Variants in PCDHGA5 observed in about 807,000 individuals in gnomAD.
PCDHGA5 encodes the protein protocadherin gamma subfamily A, 5.
A neutral mutation model predicts 56.7 loss-of-function variants in PCDHGA5; 36 were observed. The ratio of observed to expected loss-of-function variants is 0.64; its 90% CI spans 0.49 to 0.84. PCDHGA5 has a LOEUF of 0.84. Among genes scored for constraint, PCDHGA5 ranks in the 40% least tolerant of loss-of-function variants. PCDHGA5 has a pLI of 0.00. For synonymous variants in PCDHGA5, 563 were observed against 520.2 expected (o/e 1.08, Z -1.12); for missense variants, 1,305 against 1,201.5 (o/e 1.09, Z -1.27).
Position 141,495,110 on chromosome 5 carries a change from T to C in PCDHGA5, c.2480+245T>C, listed in dbSNP as rs74534116. Among the ~76,000 whole-genome samples the C allele has an allele frequency of 3.9e-3, 595 of 152,212 alleles. 3 individuals carry two copies. The highest frequency in any genetic ancestry group is 0.013 in the African/African-American group (538 of 41,532). On this transcript the variant is annotated intron_variant, in intron 2 of 3. Coordinates refer to ENST00000518069, the MANE Select transcript of PCDHGA5 (RefSeq NM_018918.3). The stretch of plus-strand genomic sequence containing the variant: ...TTCCCTCCTCGCCACGACCGGCACC[T>C]TTTCCTATCCCCTGAGGGCACTGTG...
chr5:141,394,996 C>T (rs1331251272), intron 1 of PCDHGA5: 1 of 1,613,916 alleles, frequency 6.2e-7, no homozygotes, highest in African/African-American at 1.3e-5. Flanking sequence ...CTCCAGGATT[C>T]CGGTGGCAGA....
Position 141,489,767 on chromosome 5 carries a change from G to T in PCDHGA5, c.2422-5040G>T, listed in dbSNP as rs2099691977. On this transcript the variant is annotated intron_variant, in intron 1 of 3. Transcript: ENST00000518069. This position sits in a 1 kb window ranked among gnomAD's most constrained non-coding sequence, Gnocchi z 4.5. ...AGCTTTTACACTCTAAGCCCCAACA[G>T]CCACTTCTCTCTGAATGTGAAGACC... The T allele has an allele frequency of 6.2e-7, 1 of 1,614,028 alleles. No homozygotes were observed. Among genetic ancestry groups the T allele is most frequent in the African/African-American group, 1.3e-5 (1 of 74,938 alleles).
chr5:141,495,000 G>A lies in PCDHGA5; in HGVS notation c.2480+135G>A, dbSNP rs191756104. ...AGTTTGAGATCCCAGGGAGGTCTTG[G>A]TGTGCGGGGGGCTGGCACACAGACC... On this transcript the variant is annotated intron_variant, in intron 2 of 3. Transcript: ENST00000518069. 1.3e-4 allele frequency: 202 copies of A among 1,531,656 alleles called. 2 individuals carry two copies. The African/African-American group carries it at 2.4e-3, about 19-fold the overall frequency. The allele number at this position is 1,531,656 out of a possible 1,614,324, so 94.9% of individuals were successfully genotyped here. A position where few individuals can be genotyped will look rare whatever the true frequency, so the allele number is the denominator to read the frequency against.
intron 1 of PCDHGA5, chr5:141,394,906 C>T (rs2150590922): frequency 6.2e-7 from 1 of 1,613,754 alleles, no homozygotes; most frequent in Admixed American, 1.7e-5. Flanking sequence ...GTGGCAGTGG[C>T]TGCCATCTCC....
intron 1 of PCDHGA5, chr5:141,371,816 C>T: frequency 6.2e-7 from 1 of 1,613,888 alleles, no homozygotes; most frequent in Non-Finnish European, 8.5e-7. Context: ...TTGCGCATGT[C>T]AGAGCCTCGG....
intron 1 of PCDHGA5, among the ~76,000 whole-genome samples, chr5:141,406,576 A>T (rs909778588): frequency 8.5e-5 from 13 of 152,222 alleles, no homozygotes; most frequent in Non-Finnish European, 8.8e-5. Context: ...CTAGTAAACC[A>T]ATTTTTTCCC....
intron 1 of PCDHGA5, chr5:141,383,728 G>GGT (rs1554087976): frequency 1.9e-6 from 3 of 1,613,878 alleles, no homozygotes; most frequent in Non-Finnish European, 2.5e-6. Flanking sequence ...CAATGGGGAA[G>GGT]TGACATATTC....
At chr5:141,399,205 A>G (rs1344993471) in intron 1 of PCDHGA5, 1 of 1,613,982 alleles carries the variant, frequency 6.2e-7, no homozygotes, top group Admixed American at 1.7e-5. Flanking sequence ...GGTGCCTGGA[A>G]CACTAATTGC....
At chr5:141,428,616 G>A (rs2097151212) in intron 1 of PCDHGA5, 1 of 207,844 alleles carries the variant, frequency 4.8e-6, no homozygotes, top group Admixed American at 5.3e-5. Flanking sequence ...AGAATAACAA[G>A]ATAAGCTCTA....
At chr5:141,441,742 T>C in intron 1 of PCDHGA5, 1 of 367,312 alleles carries the variant, frequency 2.7e-6, no homozygotes, top group Non-Finnish European at 5.4e-6. Context: ...TAGCTCGCGC[T>C]CGGCGTCAAC....
At chr5:141,458,081 G>A (rs765008628) in intron 1 of PCDHGA5, among the ~76,000 whole-genome samples, 62 of 152,186 alleles carry the variant, frequency 4.1e-4, no homozygotes, top group East Asian at 1.9e-4. Flanking sequence ...CTATATTGCC[G>A]TAAGTTAAGA....
chr5:141,435,890 A>G (rs2097784923), intron 1 of PCDHGA5, among the ~76,000 whole-genome samples: 1 of 152,176 alleles, frequency 6.6e-6, no homozygotes, highest in Non-Finnish European at 1.5e-5. Context: ...AACCCCTTAG[A>G]GAATGAAAGA....
At chr5:141,427,249 G>A (rs1417336994) in intron 1 of PCDHGA5, 1 of 456,742 alleles carries the variant, frequency 2.2e-6, no homozygotes, top group African/African-American at 2.0e-5. Context: ...GCTAAGGATG[G>A]TGGAGGCATG....
chr5:141,404,764 C>A lies in PCDHGA5; in HGVS notation c.2421+38013C>A, dbSNP rs371618979. 152 of 1,613,920 alleles carry A rather than the reference C, an allele frequency of 9.4e-5. 1 individual carries two copies. In the African/African-American group the frequency reaches 1.6e-3, roughly 17 times the overall value. ...GAGACTCAGGCCAGAATGCTTGGCT[C>A]TCCTACCGCCTATTCAAGGCCAGTG... On this transcript the variant is annotated intron_variant, in intron 1 of 3. Coordinates refer to ENST00000518069, the MANE Select transcript of PCDHGA5 (RefSeq NM_018918.3).
intron 1 of PCDHGA5, chr5:141,371,563 TC>T: frequency 6.2e-7 from 1 of 1,613,806 alleles, no homozygotes; most frequent in Non-Finnish European, 8.5e-7. Context: ...AAAGGAAACT[TC>T]CCCTTTAAAA....
chr5:141,489,713 A>G lies in PCDHGA5; in HGVS notation c.2422-5094A>G. On this transcript the variant is annotated intron_variant, in intron 1 of 3. Coordinates refer to ENST00000518069, the MANE Select transcript of PCDHGA5 (RefSeq NM_018918.3). The surrounding 1 kb of genome is among the most constrained non-coding windows in gnomAD (Gnocchi z 4.5). The stretch of plus-strand genomic sequence containing the variant: ...GCACGATTCCCACTGGACAGTGCCC[A>G]GGATCCGGATGTGGGCACCAATACT... 1.9e-6 allele frequency: 3 copies of G among 1,614,162 alleles called. No individual in the cohort carries two copies. The highest frequency in any genetic ancestry group is 2.5e-6 in the Non-Finnish European group (3 of 1,179,968).
chr5:141,506,380 TG>T (rs2099852860), intron 3 of PCDHGA5, among the ~76,000 whole-genome samples: 1 of 141,314 alleles, frequency 7.1e-6, no homozygotes, highest in Non-Finnish European at 1.5e-5. Flanking sequence ...ACCTGGGAGG[TG>T]GCTGTGGTGA....
At chr5:141,507,676 A>G (rs2099862523) in intron 3 of PCDHGA5, among the ~76,000 whole-genome samples, 1 of 152,252 alleles carries the variant, frequency 6.6e-6, no homozygotes, top group African/African-American at 2.4e-5. Flanking sequence ...TCCAGATGTT[A>G]AAAACAGAAA....
chr5:141,371,332 A>C (rs1481476869), intron 1 of PCDHGA5: 3 of 1,613,988 alleles, frequency 1.9e-6, no homozygotes, highest in Admixed American at 1.7e-5. Context: ...GAAGAGAGAG[A>C]TAGCTACACA....
Sources: gnomAD v4.1 joint callset for allele counts (sites outside exome capture counted in the v4.1 genomes callset) on GRCh38, gnomAD v4.1.1 for gene constraint, Gnocchi (gnomAD v3.1) non-coding constraint, MANE v1.5 for transcripts, NCBI Gene and HGNC (gene_info 2026-07-23, HGNC 2026-07-21) for gene names.